Variants in RNF121 observed in about 807,000 individuals in gnomAD.
RNF121 encodes the protein ring finger protein 121.
RNF121 carries 21 observed loss-of-function variants against 46.5 expected under a neutral mutation model. The observed-to-expected ratio is 0.45, with a 90% CI of 0.32 to 0.65. The LOEUF is 0.65. RNF121 is among the 30% of genes least tolerant of loss of function. The pLI is 0.04. For synonymous variants in RNF121, 139 were observed against 144.7 expected, an observed-to-expected ratio of 0.96 and a Z score of 0.28; for missense variants, 346 against 416.0, an observed-to-expected ratio of 0.83 and a Z score of 1.46.
intron 1 of RNF121, among the ~76,000 whole-genome samples, chr11:71,934,145 C>T (rs1043519304): frequency 6.6e-6 from 1 of 152,224 alleles, no homozygotes; most frequent in African/African-American, 2.4e-5. Context: ...ACACTGCTAC[C>T]TTTTCCCCCT....
At chr11:71,965,287 G>A (rs1590793798) in intron 3 of RNF121, among the ~76,000 whole-genome samples, 1 of 140,262 alleles carries the variant, frequency 7.1e-6, no homozygotes, top group Non-Finnish European at 1.5e-5. Context: ...CAGGGTCTCT[G>A]TTGCCCAGGT....
At chr11:71,932,769 A>C (rs751415310) in intron 1 of RNF121, among the ~76,000 whole-genome samples, 12 of 152,164 alleles carry the variant, frequency 7.9e-5, no homozygotes, top group Non-Finnish European at 1.8e-4. Flanking sequence ...TTGTGTATAA[A>C]ATTTCCATTT....
Position 71,990,347 on chromosome 11 carries a change from T to C in RNF121, c.507-250T>C, listed in dbSNP as rs1334886291. Among the ~76,000 whole-genome samples, 7 of 151,792 alleles carry C rather than the reference T, an allele frequency of 4.6e-5. No homozygotes were observed. In the East Asian group the frequency reaches 1.2e-3, roughly 25 times the overall value. On this transcript the variant is annotated intron_variant, in intron 5 of 8. Transcript: ENST00000361756. ...GGGGAGGCAAGGACTAAGAGCAGAG[T>C]GAGGAAAAGGGGTAGGAGGGGATAC...
Position 71,990,579 on chromosome 11 carries a change from C to G in RNF121, c.507-18C>G. ...TGTCTCAGGGTGGGTCTTTCTAGCT[C>G]TAATGCTTCCCTTGCAGGATCAAAC... On this transcript the variant is annotated intron_variant, in intron 5 of 8. Coordinates refer to ENST00000361756, the MANE Select transcript of RNF121 (RefSeq NM_018320.5). 1 of 1,613,348 alleles carries G rather than the reference C, an allele frequency of 6.2e-7. No homozygotes were observed. The highest frequency in any genetic ancestry group is 8.5e-7 in the Non-Finnish European group (1 of 1,179,588).
intron 4 of RNF121, among the ~76,000 whole-genome samples, chr11:71,986,247 G>A (rs996555972): frequency 5.3e-5 from 8 of 152,086 alleles, no homozygotes; most frequent in African/African-American, 1.4e-4. Context: ...CAGACTAACC[G>A]GGCCCAGGTA....
chr11:71,981,534 G>A (rs1325480051), intron 3 of RNF121, among the ~76,000 whole-genome samples: 1 of 152,144 alleles, frequency 6.6e-6, no homozygotes, highest in Non-Finnish European at 1.5e-5. Flanking sequence ...CACTGGAGAA[G>A]GATGACATCT....
intron 1 of RNF121, 69 bp from the exon 2 acceptor site, chr11:71,957,158 T>G: frequency 2.1e-6 from 2 of 973,074 alleles, no homozygotes; most frequent in Non-Finnish European, 3.4e-6. Flanking sequence ...GATAAATGTG[T>G]GAGCACCTTA....
At chr11:71,945,417 T>C (rs1342768186) in intron 1 of RNF121, among the ~76,000 whole-genome samples, 1 of 152,258 alleles carries the variant, frequency 6.6e-6, no homozygotes, top group African/African-American at 2.4e-5. Flanking sequence ...TTCCTCTGGA[T>C]TCTTCTGCAA....
intron 1 of RNF121, among the ~76,000 whole-genome samples, chr11:71,945,160 A>AATTTTTT (rs1565142754): frequency 6.6e-6 from 1 of 151,910 alleles, no homozygotes; most frequent in Non-Finnish European, 1.5e-5. Context: ...GCTAATTTTT[A>AATTTTTT]AATTTTTTGT....
intron 5 of RNF121, among the ~76,000 whole-genome samples, chr11:71,989,066 G>A (rs1014983812): frequency 1.7e-4 from 17 of 97,466 alleles, no homozygotes; most frequent in African/African-American, 5.7e-4. Flanking sequence ...TCTGCATTAT[G>A]GTTTTTTGTT....
At chr11:71,959,631 CTT>C (rs1491554546) in intron 2 of RNF121, among the ~76,000 whole-genome samples, 3 of 148,686 alleles carry the variant, frequency 2.0e-5, no homozygotes, top group African/African-American at 7.5e-5. Context: ...TTCTCTCTCT[CTT>C]CTTCTTTTTT....
intron 1 of RNF121, among the ~76,000 whole-genome samples, chr11:71,947,342 A>T (rs113808466): frequency 0.012 from 1,824 of 151,992 alleles, 30 homozygotes; most frequent in African/African-American, 0.042. Flanking sequence ...AACAAAAATT[A>T]CCCAGGCATG....
Position 71,982,983 on chromosome 11 carries a change from G to A in RNF121, c.398+68G>A, listed in dbSNP as rs1954695111. The A allele has an allele frequency of 2.7e-6, 4 of 1,478,742 alleles. No individual in the cohort carries two copies. The Admixed American group carries it at 7.0e-5, about 26-fold the overall frequency. 91.6% of individuals were successfully genotyped at this position (1,478,742 alleles called of 1,614,324 possible). ...TAATGGGTTGGAATGCATGGGAGGAGCATAGGTTTAGACTGAAAAAATTCC... is the reference window on the plus strand; with the variant it reads ...TAATGGGTTGGAATGCATGGGAGGAACATAGGTTTAGACTGAAAAAATTCC... On this transcript the variant is annotated intron_variant, in intron 4 of 8. Transcript: ENST00000361756.
intron 3 of RNF121, among the ~76,000 whole-genome samples, chr11:71,974,730 T>G (rs1030151044): frequency 6.6e-6 from 1 of 152,212 alleles, no homozygotes; most frequent in African/African-American, 2.4e-5. Context: ...CCAAGTCCTT[T>G]CCTTGGATCT....
intron 1 of RNF121, among the ~76,000 whole-genome samples, chr11:71,956,415 C>T (rs10793011): frequency 0.9 from 137,759 of 152,234 alleles, 62,848 homozygotes; most frequent in Non-Finnish European, 0.98. Context: ...ACTAGGGGGA[C>T]GCTATGGCAA....
At chr11:71,957,879 A>T (rs1157647077) in intron 2 of RNF121, among the ~76,000 whole-genome samples, 7 of 152,222 alleles carry the variant, frequency 4.6e-5, no homozygotes, top group Non-Finnish European at 8.8e-5. Flanking sequence ...TCACAAGGTG[A>T]CTGACCAATG....
chr11:71,940,991 A>T (rs1418896295), intron 1 of RNF121, among the ~76,000 whole-genome samples: 1 of 152,224 alleles, frequency 6.6e-6, no homozygotes, highest in African/African-American at 2.4e-5. Context: ...CTGGGACTGT[A>T]CGCAGTTCTG....
chr11:71,944,215 C>G (rs1953660233), intron 1 of RNF121, among the ~76,000 whole-genome samples: 2 of 152,126 alleles, frequency 1.3e-5, no homozygotes, highest in Admixed American at 1.3e-4. Flanking sequence ...CACCTGTAAT[C>G]CCAGCCACTC....
At chr11:71,988,660 G>A (rs1034056892) in intron 5 of RNF121, among the ~76,000 whole-genome samples, 12 of 146,400 alleles carry the variant, frequency 8.2e-5, no homozygotes, top group African/African-American at 2.8e-4. Flanking sequence ...AAAAAAGAAA[G>A]AAAGAAAGAA....
Sources: allele counts gnomAD v4.1 joint callset (sites outside exome capture counted in the v4.1 genomes callset), GRCh38; gene constraint gnomAD v4.1.1; transcripts MANE v1.5; gene names NCBI Gene and HGNC (gene_info 2026-07-23, HGNC 2026-07-21).